FABP7: variants seen among roughly 807,000 people sequenced by gnomAD.
FABP7 encodes fatty acid binding protein 7.
A neutral mutation model predicts 14.2 loss-of-function variants in FABP7; 13 were observed. The ratio of observed to expected loss-of-function variants is 0.91; its 90% CI spans 0.59 to 1.45. FABP7 has a LOEUF of 1.45. Ranked by LOEUF, FABP7 falls within the 40% of genes most tolerant of loss-of-function variation. The pLI, the probability that FABP7 is intolerant of heterozygous loss-of-function variation, is 0.00. For synonymous variants in FABP7, 49 were observed against 51.4 expected, an observed-to-expected ratio of 0.95 and a Z score of 0.20; for missense variants, 149 against 157.6, an observed-to-expected ratio of 0.95 and a Z score of 0.29.
At chr6:122,771,770 T>C in the FABP7 span, among the ~76,000 whole-genome samples, 3 of 152,198 alleles carry the variant, frequency 2.0e-5, no homozygotes, top group African/African-American at 7.2e-5. Flanking sequence ...TCTCTGGGGA[T>C]CATATATGTT....
the FABP7 span, among the ~76,000 whole-genome samples, chr6:122,768,465 T>C: frequency 6.6e-6 from 1 of 152,122 alleles, no homozygotes; most frequent in African/African-American, 2.4e-5. Context: ...TAAGAAAATA[T>C]GTAGATGCAC....
chr6:122,775,706 A>AC (rs1394153530), upstream of FABP7, among the ~76,000 whole-genome samples: 3 of 145,318 alleles, frequency 2.1e-5, no homozygotes, highest in African/African-American at 7.3e-5. Flanking sequence ...AACAACAACA[A>AC]AAAAAACAAA....
chr6:122,775,246 T>C (rs1780651193), upstream of FABP7, among the ~76,000 whole-genome samples: 1 of 152,070 alleles, frequency 6.6e-6, no homozygotes, highest in Admixed American at 6.6e-5. Context: ...AGCATCACAT[T>C]ACCTGACTTC....
At chr6:122,757,493 T>C in the FABP7 span, among the ~76,000 whole-genome samples, 3 of 152,030 alleles carry the variant, frequency 2.0e-5, no homozygotes, top group Admixed American at 2.0e-4. Context: ...AGATATTAGA[T>C]GCAATGTCGT....
the FABP7 span, among the ~76,000 whole-genome samples, chr6:122,759,071 C>A: frequency 6.6e-6 from 1 of 152,166 alleles, no homozygotes. Flanking sequence ...AGTTATAAAG[C>A]AGGGCCACTA....
In FABP7 at chr6:122,783,790, GA is replaced by G; in HGVS notation, c.*25del. 6.3e-7 allele frequency: 1 copy of G among 1,587,098 alleles called. No homozygotes were observed. The highest frequency in any genetic ancestry group is 8.6e-7 in the Non-Finnish European group (1 of 1,161,392). On this transcript the variant is annotated 3_prime_UTR_variant, in exon 4 of 4. Transcript: ENST00000368444. ...TAAAAATGTTCCTGGTCGGGGCTTGGAAGAGCTCTTCAGTTTTTCTGTTTCC... is the reference window on the plus strand; with the variant it reads ...TAAAAATGTTCCTGGTCGGGGCTTGGAGAGCTCTTCAGTTTTTCTGTTTCC...
the FABP7 span, among the ~76,000 whole-genome samples, chr6:122,761,401 A>T: frequency 6.6e-6 from 1 of 152,176 alleles, no homozygotes; most frequent in Non-Finnish European, 1.5e-5. Context: ...TTATCTAAAG[A>T]TATACCCTGT....
At chr6:122,755,820 G>A in the FABP7 span, among the ~76,000 whole-genome samples, 1 of 151,932 alleles carries the variant, frequency 6.6e-6, no homozygotes, top group Admixed American at 6.6e-5. Flanking sequence ...GGTCTGACCA[G>A]CAGACCCCAG....
chr6:122,753,057 C>T, the FABP7 span, among the ~76,000 whole-genome samples: 58 of 152,294 alleles, frequency 3.8e-4, no homozygotes, highest in African/African-American at 1.4e-3. Context: ...TGCTTAGCAG[C>T]TCTCTGAAAA....
At chr6:122,782,653 G>A (rs1381572268) in intron 3 of FABP7, 1 of 985,240 alleles carries the variant, frequency 1.0e-6, no homozygotes, top group East Asian at 1.1e-4. Flanking sequence ...TTGGAGGAGG[G>A]TGTGAGAATG....
At chr6:122,781,242 GCA>G in intron 3 of FABP7, 48 bp downstream of exon 3, 1 of 1,594,930 alleles carries the variant, frequency 6.3e-7, no homozygotes, top group South Asian at 1.1e-5. Flanking sequence ...TCTCCTCTCC[GCA>G]CACCTCTCAC....
intron 3 of FABP7, chr6:122,782,615 T>C: frequency 1.0e-6 from 1 of 985,464 alleles, no homozygotes; most frequent in Non-Finnish European, 1.2e-6. Context: ...TTGATGATAC[T>C]GACATAGGTG....
At chr6:122,752,351 G>A in the FABP7 span, among the ~76,000 whole-genome samples, 2 of 152,146 alleles carry the variant, frequency 1.3e-5, no homozygotes, top group Non-Finnish European at 1.5e-5. Context: ...CCTCAATCAT[G>A]CATGCATGCA....
chr6:122,752,263 G>A, the FABP7 span, among the ~76,000 whole-genome samples: 1 of 152,196 alleles, frequency 6.6e-6, no homozygotes, highest in Non-Finnish European at 1.5e-5. Context: ...ATTTAGATGT[G>A]TTCATCCTTG....
chr6:122,779,294 G>A (rs1582517901), upstream of FABP7, among the ~76,000 whole-genome samples: 2 of 152,226 alleles, frequency 1.3e-5, no homozygotes, highest in South Asian at 2.1e-4. Context: ...TCTTTAAGGG[G>A]GGTCCTCATT....
At chr6:122,774,876 TA>T (rs1324091280), upstream of FABP7, among the ~76,000 whole-genome samples, 1 of 150,600 alleles carries the variant, frequency 6.6e-6, no homozygotes, top group Non-Finnish European at 1.5e-5. Context: ...ATGAACAATC[TA>T]AAAAAGATAT....
At chr6:122,774,222 C>G in the FABP7 span, among the ~76,000 whole-genome samples, 2 of 151,620 alleles carry the variant, frequency 1.3e-5, no homozygotes, top group African/African-American at 4.8e-5. Context: ...ATTAGCTGGG[C>G]GTGGTGGTGC....
intron 3 of FABP7, chr6:122,781,740 CTTTT>C (rs34336029): frequency 7.2e-4 from 536 of 739,792 alleles, no homozygotes; most frequent in South Asian, 9.0e-4. Flanking sequence ...AGTGATAACC[CTTTT>C]TTTTTTTTTT....
chr6:122,783,987 C>T lies in FABP7; in HGVS notation c.*220C>T. 2.7e-6 allele frequency: 1 copy of T among 371,608 alleles called. No individual in the cohort carries two copies. The highest frequency in any genetic ancestry group is 4.7e-6 in the Non-Finnish European group (1 of 213,240). 23.0% of individuals were successfully genotyped at this position (371,608 alleles called of 1,614,324 possible). A position where few individuals can be genotyped will look rare whatever the true frequency, so the allele number is the denominator to read the frequency against. Reference sequence around the variant, plus strand: ...AATTTGAATTAAAGTTTTGTCCCCCCCCCCCTTTTTTTTATAAACAAGTGA... The same window carrying T: ...AATTTGAATTAAAGTTTTGTCCCCCTCCCCCTTTTTTTTATAAACAAGTGA... On this transcript the variant is annotated 3_prime_UTR_variant, in exon 4 of 4. Coordinates refer to ENST00000368444, the MANE Select transcript of FABP7 (RefSeq NM_001446.5).
Sources: allele counts gnomAD v4.1 joint callset (sites outside exome capture counted in the v4.1 genomes callset), GRCh38; gene constraint gnomAD v4.1.1; transcripts MANE v1.5; gene names NCBI Gene and HGNC (gene_info 2026-07-23, HGNC 2026-07-21).